Variants in CNTNAP4 observed in about 807,000 individuals in gnomAD.
CNTNAP4 encodes the protein contactin associated protein family member 4.
A neutral mutation model predicts 148.4 loss-of-function variants in CNTNAP4; 98 were observed. That is an observed-to-expected ratio of 0.66 (90% CI 0.56 to 0.78). CNTNAP4 has a LOEUF of 0.78. CNTNAP4 is among the 30% of genes least tolerant of loss of function. The pLI is 0.00. For missense variants in CNTNAP4, 1,935 were observed against 1,565.6 expected, an observed-to-expected ratio of 1.24 and a Z score of -3.98; for synonymous variants, 730 against 565.1, an observed-to-expected ratio of 1.29 and a Z score of -4.14.
intron 1 of CNTNAP4, among the ~76,000 whole-genome samples, chr16:76,305,666 C>T (rs371774436): frequency 1.3e-5 from 2 of 152,210 alleles, no homozygotes; most frequent in African/African-American, 2.4e-5. Flanking sequence ...TCTGGCAAGA[C>T]CCATCATTCG....
In CNTNAP4 at chr16:76,538,248, A is replaced by G. The variant is rs1466673581; in HGVS notation, c.3128A>G (p.Lys1043Arg). ...ATGAAGCTGAGCAGAGAAATGATCA[A>G]ATTTAGTTTCCGAACAACACGAACA... ...GDMKLSREMI[K>R]FSFRTTRTPS... Residue 1043 changes from lysine (K) to arginine (R), a missense_variant, in exon 19 of 24, where the codon AAA (lysine) becomes AGA (arginine). Lys to Arg is a conservative substitution (Grantham distance 26, BLOSUM62 2). Transcript: ENST00000611870. The G allele has an allele frequency of 1.2e-6, 2 of 1,611,258 alleles. No individual in the cohort carries two copies. Among genetic ancestry groups the G allele is most frequent in the Non-Finnish European group, 1.7e-6 (2 of 1,178,986 alleles).
chr16:76,424,089 CTG>C (rs2079288755), intron 3 of CNTNAP4, among the ~76,000 whole-genome samples: 1 of 152,024 alleles, frequency 6.6e-6, no homozygotes, highest in African/African-American at 2.4e-5. Context: ...TTAATATAAA[CTG>C]TATCTTATAT....
Position 76,448,766 on chromosome 16 carries a change from G to T in CNTNAP4, c.743-1G>T. On this transcript the variant is annotated splice_acceptor_variant, in intron 5 of 23. Coordinates refer to ENST00000611870, the MANE Select transcript of CNTNAP4 (RefSeq NM_033401.5). LOFTEE classifies it high-confidence loss of function. ...TGCTGTTATTTTTCTCCTCTTCTAA[G>T]GTGAAGCTAAACTGCCTTCCACTTC... is the stretch of plus-strand genomic sequence containing the variant. 1 of 1,598,612 alleles carries T rather than the reference G, an allele frequency of 6.3e-7. No homozygotes were observed. The highest frequency in any genetic ancestry group is 8.5e-7 in the Non-Finnish European group (1 of 1,172,322).
chr16:76,377,423 A>C (rs190802796), intron 3 of CNTNAP4, among the ~76,000 whole-genome samples: 76 of 152,322 alleles, frequency 5.0e-4, no homozygotes, highest in Admixed American at 1.9e-3. Flanking sequence ...ATGATGGAAG[A>C]GAGTCGGAAA....
chr16:76,428,972 A>T lies in CNTNAP4; in HGVS notation c.538+1373A>T, dbSNP rs1045761976. On this transcript the variant is annotated intron_variant, in intron 4 of 23. Coordinates refer to ENST00000611870, the MANE Select transcript of CNTNAP4 (RefSeq NM_033401.5). The stretch of plus-strand genomic sequence containing the variant: ...GACTTGCTCAAGCCACACAGAAAGG[A>T]AGTGGCAGAGCTGGGTTTGCAGCCA... Among the ~76,000 whole-genome samples, 5 of 152,172 alleles carry T rather than the reference A, an allele frequency of 3.3e-5. No homozygotes were observed. The South Asian group carries it at 1.0e-3, about 31-fold the overall frequency.
At chr16:76,482,020 T>A (rs56057269) in intron 12 of CNTNAP4, among the ~76,000 whole-genome samples, 12,200 of 141,480 alleles carry the variant, frequency 0.086, 1,487 homozygotes, top group African/African-American at 0.27. Context: ...TTTTTTTTTT[T>A]AATTTTTATT....
rs562101132 is a variant in CNTNAP4, at chr16:76,553,356, G to A, written c.3516G>A (p.Gln1172=). Reference sequence around the variant, plus strand: ...TCACAGGCTGCCTCTCTGCAGTGCAGCTCAGCCACGTGGCCCCTCTGAAGG... The same window carrying A: ...TCACAGGCTGCCTCTCTGCAGTGCAACTCAGCCACGTGGCCCCTCTGAAGG... ...QGFTGCLSAV[Q]LSHVAPLKAA... The change falls in exon 22 of 24, where the codon CAG becomes CAA. Residue 1172 remains glutamine (Q), a synonymous_variant. Transcript: ENST00000611870. The A allele has an allele frequency of 3.7e-5, 60 of 1,612,738 alleles. No homozygotes were observed. The South Asian group carries it at 6.3e-4, about 17-fold the overall frequency.
chr16:76,517,945 A>G (rs982938396), intron 15 of CNTNAP4, among the ~76,000 whole-genome samples: 2 of 152,128 alleles, frequency 1.3e-5, no homozygotes, highest in African/African-American at 2.4e-5. Flanking sequence ...AAAAGTACTT[A>G]TAGTCCTAGC....
At chr16:76,295,670 TGTCGGAAAGTA>T (rs750512796) in intron 1 of CNTNAP4, among the ~76,000 whole-genome samples, 27 of 152,324 alleles carry the variant, frequency 1.8e-4, no homozygotes, top group Non-Finnish European at 3.5e-4. Flanking sequence ...ACGTCATGGC[TGTCGGAAAGTA>T]GTGACATGTG....
intron 2 of CNTNAP4, among the ~76,000 whole-genome samples, chr16:76,324,776 C>G (rs1297217873): frequency 7.9e-5 from 12 of 152,086 alleles, no homozygotes; most frequent in Non-Finnish European, 1.8e-4. Flanking sequence ...TTTCCTGGTA[C>G]TTACTCATGA....
At chr16:76,535,396 C>T in intron 17 of CNTNAP4, 149 bp from the exon 18 acceptor site, 1 of 731,482 alleles carries the variant, frequency 1.4e-6, no homozygotes, top group Non-Finnish European at 2.2e-6. Flanking sequence ...TTCTTGGAGT[C>T]TATATTTGAC....
chr16:76,393,667 G>A (rs2078102853), intron 3 of CNTNAP4, among the ~76,000 whole-genome samples: 1 of 151,868 alleles, frequency 6.6e-6, no homozygotes, highest in Admixed American at 6.6e-5. Flanking sequence ...GAGAGGAGGA[G>A]GATGAAGACA....
chr16:76,493,666 TTTA>T (rs1450605996), intron 13 of CNTNAP4, among the ~76,000 whole-genome samples: 28 of 152,312 alleles, frequency 1.8e-4, no homozygotes, highest in Non-Finnish European at 1.3e-4. Context: ...TTGAAATATA[TTTA>T]TTAAGTATTT....
At chr16:76,449,693 T>G in intron 6 of CNTNAP4, 22 bp from the exon 7 acceptor site, 1 of 1,539,970 alleles carries the variant, frequency 6.5e-7, no homozygotes, top group Non-Finnish European at 8.7e-7. Context: ...ACAATATTAT[T>G]GATGCCATTT....
Position 76,504,824 on chromosome 16 carries a change from A to G in CNTNAP4, c.2365+6130A>G, listed in dbSNP as rs576319271. The stretch of plus-strand genomic sequence containing the variant: ...AGATTTGCACATACACATCACAGAA[A>G]AAATATGGATTTAAATAAACACAGT... On this transcript the variant is annotated intron_variant, in intron 15 of 23. Transcript: ENST00000611870. Among the ~76,000 whole-genome samples, 36 of 152,304 alleles carry G rather than the reference A, an allele frequency of 2.4e-4. 1 individual carries two copies. Among genetic ancestry groups the G allele is most frequent in the Middle Eastern group, 3.4e-3 (1 of 294 alleles).
intron 1 of CNTNAP4, among the ~76,000 whole-genome samples, chr16:76,290,236 A>C (rs994949170): frequency 6.6e-6 from 1 of 152,140 alleles, no homozygotes; most frequent in Non-Finnish European, 1.5e-5. Context: ...GCTTAGACCC[A>C]ATGACTCCAA....
chr16:76,306,865 A>G (rs138083904), intron 1 of CNTNAP4, among the ~76,000 whole-genome samples: 26 of 152,290 alleles, frequency 1.7e-4, no homozygotes, highest in African/African-American at 6.0e-4. Context: ...TCTGTTGTGA[A>G]GGGGATATTT....
chr16:76,557,319 A>T (rs577328720), intron 23 of CNTNAP4: 1 of 152,294 alleles, frequency 6.6e-6, no homozygotes, highest in South Asian at 2.1e-4. Flanking sequence ...CTGAACAACC[A>T]TAGTTTGTCT....
intron 17 of CNTNAP4, among the ~76,000 whole-genome samples, chr16:76,535,090 T>A (rs2084158991): frequency 6.6e-6 from 1 of 152,190 alleles, no homozygotes; most frequent in Admixed American, 6.5e-5. Flanking sequence ...ACCATATCAA[T>A]GCACCATCAG....
Sources: gnomAD v4.1 joint callset for allele counts (sites outside exome capture counted in the v4.1 genomes callset) on GRCh38, gnomAD v4.1.1 for gene constraint, MANE v1.5 for transcripts, NCBI Gene and HGNC (gene_info 2026-07-23, HGNC 2026-07-21) for gene names.